Variants in PDE7B observed in about 807,000 individuals in gnomAD.
PDE7B encodes 3',5'-cyclic-AMP phosphodiesterase 7B.
A neutral mutation model predicts 56.2 loss-of-function variants in PDE7B; 29 were observed. That is an observed-to-expected ratio of 0.52 (90% confidence interval 0.38 to 0.70). PDE7B has a LOEUF of 0.70. Ranked by LOEUF, PDE7B falls within the 30% of genes least tolerant of loss-of-function variation. PDE7B has a pLI of 0.00. For synonymous variants in PDE7B, 197 were observed against 196.9 expected, an observed-to-expected ratio of 1.00 and a Z score of 0.00; for missense variants, 490 against 565.0, an observed-to-expected ratio of 0.87 and a Z score of 1.35.
At chr6:136,100,945 A>G (rs11961799) in intron 2 of PDE7B, among the ~76,000 whole-genome samples, 4,235 of 152,294 alleles carry the variant, frequency 0.028, 197 homozygotes, top group African/African-American at 0.094. Context: ...TGTTCCATCA[A>G]TACATAGTTT....
rs1779023546 is a variant in PDE7B at position 136,179,108 on chromosome 6, G to A, written c.915G>A (p.Leu305=). 5 of 1,613,926 alleles carry A rather than the reference G, an allele frequency of 3.1e-6. No homozygotes were observed. Among genetic ancestry groups the A allele is most frequent in the Admixed American group, 3.3e-5 (2 of 59,996 alleles). The change falls in exon 10 of 13, where the codon CTG becomes CTA. Residue 305 remains leucine, a synonymous_variant. Transcript: ENST00000308191. The part of the protein sequence containing the change: ...KAHLHNKDLR[L]EDAQDRHFML... ...ACCTCCACAATAAAGACTTAAGACT[G>A]GAGGATGCACAGGACAGGCACTTTA...
intron 1 of PDE7B, among the ~76,000 whole-genome samples, chr6:135,931,079 G>T (rs565674469): frequency 7.2e-5 from 11 of 152,212 alleles, no homozygotes; most frequent in African/African-American, 1.9e-4. Context: ...CACTTTAAAG[G>T]TCACAAAAGA....
intron 2 of PDE7B, among the ~76,000 whole-genome samples, chr6:136,039,473 C>T (rs1776380411): frequency 6.6e-6 from 1 of 152,092 alleles, no homozygotes; most frequent in South Asian, 2.1e-4. Flanking sequence ...GGAAAAGATA[C>T]ATCAAAAATT....
chr6:136,108,609 A>G (rs929749832), intron 2 of PDE7B, 122 bp from the exon 3 acceptor site: 1 of 726,866 alleles, frequency 1.4e-6, no homozygotes, highest in Admixed American at 1.9e-5. Flanking sequence ...ACTCTTCAGT[A>G]TGGTGAATGG....
intron 3 of PDE7B, among the ~76,000 whole-genome samples, chr6:136,111,586 A>G (rs1777749331): frequency 6.6e-6 from 1 of 152,226 alleles, no homozygotes; most frequent in South Asian, 2.1e-4. Context: ...TGTTATGCAC[A>G]GTCACATAAG....
At chr6:136,166,193 C>A (rs1562510959) in intron 8 of PDE7B, 1 of 152,288 alleles carries the variant, frequency 6.6e-6, no homozygotes, top group Non-Finnish European at 1.5e-5. Flanking sequence ...CTGCAGCTTT[C>A]CCGTCACGAT....
intron 1 of PDE7B, among the ~76,000 whole-genome samples, chr6:135,896,253 C>G (rs1456245455): frequency 2.6e-5 from 4 of 152,036 alleles, no homozygotes; most frequent in Admixed American, 6.6e-5. Flanking sequence ...GGAGGTAGAG[C>G]TAACATGTAT....
At chr6:136,015,973 AGAT>A (rs1436557392) in intron 2 of PDE7B, among the ~76,000 whole-genome samples, 1 of 152,200 alleles carries the variant, frequency 6.6e-6, no homozygotes, top group African/African-American at 2.4e-5. Context: ...TGTATGGAAA[AGAT>A]GATGTTTTTC....
chr6:136,156,162 AGTGTGTGTGTGTGTGTGTGTGTGTGT>A (rs10625572), intron 8 of PDE7B: 4 of 251,992 alleles, frequency 1.6e-5, no homozygotes, highest in Admixed American at 4.9e-5. Flanking sequence ...GAATGATCCA[AGTGTGTGTGTGTGTGTGTGTGTGTGT>A]GTGTGTGTGT....
intron 2 of PDE7B, among the ~76,000 whole-genome samples, chr6:135,973,571 C>T (rs1775131613): frequency 6.6e-6 from 1 of 152,162 alleles, no homozygotes; most frequent in Non-Finnish European, 1.5e-5. Context: ...TAGCACCTCA[C>T]CATTGTGCCT....
intron 2 of PDE7B, among the ~76,000 whole-genome samples, chr6:136,102,636 C>T (rs1020273925): frequency 6.6e-6 from 1 of 152,150 alleles, no homozygotes; most frequent in African/African-American, 2.4e-5. Flanking sequence ...TTGAAATTCT[C>T]CTTGGGCATT....
At chr6:135,966,581 G>A (rs548772291) in intron 2 of PDE7B, among the ~76,000 whole-genome samples, 1 of 152,240 alleles carries the variant, frequency 6.6e-6, no homozygotes, top group African/African-American at 2.4e-5. Flanking sequence ...GGGTTGCGAT[G>A]TGGCAGCCCT....
In PDE7B at chr6:136,123,853, A is replaced by G. The variant is rs559637387; in HGVS notation, c.166+15039A>G. Among the ~76,000 whole-genome samples, 8 of 152,324 alleles carry G rather than the reference A, an allele frequency of 5.3e-5. No homozygotes were observed. In the East Asian group the frequency reaches 1.5e-3, roughly 29 times the overall value. On this transcript the variant is annotated intron_variant, in intron 3 of 12. Coordinates refer to ENST00000308191, the MANE Select transcript of PDE7B (RefSeq NM_018945.4). ...GCCAGTGGTACCACCTGAGATTTTG[A>G]AAATAAATCAGTGGGTTTTTATTTC...
chr6:136,155,360 A>G (rs1020322440), intron 7 of PDE7B, among the ~76,000 whole-genome samples: 11 of 152,180 alleles, frequency 7.2e-5, no homozygotes, highest in African/African-American at 2.7e-4. Flanking sequence ...CATCACAACA[A>G]CAAAACAAAA....
intron 1 of PDE7B, among the ~76,000 whole-genome samples, chr6:135,856,443 C>A (rs1363927008): frequency 2.6e-5 from 4 of 152,248 alleles, no homozygotes; most frequent in East Asian, 1.9e-4. Flanking sequence ...ATTCTGATTT[C>A]TTTAGAGAAT....
At chr6:136,112,168 C>T (rs947104235) in intron 3 of PDE7B, among the ~76,000 whole-genome samples, 1 of 152,122 alleles carries the variant, frequency 6.6e-6, no homozygotes, top group African/African-American at 2.4e-5. Context: ...TGCATTTCCC[C>T]ATTGGTCCCA....
At position 136,168,525 on chromosome 6, in the gene PDE7B, T is replaced by C. The variant is rs143461613; in HGVS notation, c.712-5272T>C. Among the ~76,000 whole-genome samples the C allele has an allele frequency of 2.8e-4, 42 of 152,194 alleles. No individual in the cohort carries two copies. In the East Asian group the frequency reaches 4.8e-3, roughly 17 times the overall value. ...AAATATTTTTGTTTCAACCAGTGAT[T>C]AGGGAGAATGTAAAAAATTTTGTCA... On this transcript the variant is annotated intron_variant, in intron 8 of 12. Transcript: ENST00000308191.
At chr6:136,099,346 G>A (rs1437680954) in intron 2 of PDE7B, among the ~76,000 whole-genome samples, 63 of 152,116 alleles carry the variant, frequency 4.1e-4, no homozygotes, top group African/African-American at 1.4e-3. Context: ...TTGAGGAATC[G>A]CCACACTGTC....
intron 2 of PDE7B, among the ~76,000 whole-genome samples, chr6:136,098,979 T>C (rs904041991): frequency 3.8e-4 from 50 of 130,806 alleles, no homozygotes; most frequent in Admixed American, 3.1e-3. Flanking sequence ...CCTGTGTCCA[T>C]GTGTTCTCAT....
Sources: gnomAD v4.1 joint callset for allele counts (sites outside exome capture counted in the v4.1 genomes callset) on GRCh38, gnomAD v4.1.1 for gene constraint, MANE v1.5 for transcripts, NCBI Gene and HGNC (gene_info 2026-07-23, HGNC 2026-07-21) for gene names.